Variants in INPP4B observed in about 807,000 individuals in gnomAD.
The protein encoded by INPP4B is inositol polyphosphate-4-phosphatase type II B.
A neutral mutation model predicts 122.5 loss-of-function variants in INPP4B; 55 were observed. The ratio of observed to expected loss-of-function variants is 0.45; its 90% CI spans 0.36 to 0.56. INPP4B has a LOEUF of 0.56. Ranked by LOEUF, INPP4B falls within the 20% of genes least tolerant of loss-of-function variation. INPP4B has a pLI of 0.00. For synonymous variants in INPP4B, 403 were observed against 388.7 expected, an observed-to-expected ratio of 1.04 and a Z score of -0.43; for missense variants, 1,000 against 1,097.7, an observed-to-expected ratio of 0.91 and a Z score of 1.26.
chr4:142,232,948 A>G (rs1023680591), intron 12 of INPP4B, among the ~76,000 whole-genome samples: 2 of 152,182 alleles, frequency 1.3e-5, no homozygotes, highest in African/African-American at 2.4e-5. Context: ...AATTCTATAA[A>G]GGCTGAGAGA....
chr4:142,227,856 T>TAAAAAAAAAAAAAA (rs60375355), intron 12 of INPP4B, among the ~76,000 whole-genome samples: 1 of 34,236 alleles, frequency 2.9e-5, no homozygotes, highest in Non-Finnish European at 5.6e-5. Flanking sequence ...AGACTCTATC[T>TAAAAAAAAAAAAAA]AAAAAAAAAA....
chr4:142,433,628 C>G (rs1169022494), intron 3 of INPP4B, among the ~76,000 whole-genome samples: 1 of 152,142 alleles, frequency 6.6e-6, no homozygotes, highest in Non-Finnish European at 1.5e-5. Context: ...ATTAGGAAGA[C>G]AAGACTAACA....
At chr4:142,128,450 G>A (rs3775647) in intron 18 of INPP4B, among the ~76,000 whole-genome samples, 18,923 of 151,518 alleles carry the variant, frequency 0.12, 1,360 homozygotes, top group East Asian at 0.23. Flanking sequence ...TATAGTCACT[G>A]CCCCACTATC....
intron 8 of INPP4B, among the ~76,000 whole-genome samples, chr4:142,311,887 T>G (rs1765630334): frequency 6.6e-6 from 1 of 152,184 alleles, no homozygotes; most frequent in Admixed American, 6.5e-5. Context: ...GTTTGTGCAA[T>G]TCTCTAAGAA....
At chr4:142,820,644 T>C (rs561510027) in intron 1 of INPP4B, among the ~76,000 whole-genome samples, 1 of 152,282 alleles carries the variant, frequency 6.6e-6, no homozygotes, top group East Asian at 1.9e-4. Context: ...AGTAGGTTCT[T>C]AGAATTACAA....
intron 25 of INPP4B, 78 bp from the exon 26 acceptor site, chr4:142,028,992 C>T (rs1225768585): frequency 1.3e-6 from 2 of 1,502,872 alleles, no homozygotes; most frequent in Non-Finnish European, 1.8e-6. Context: ...TGCAGAGTTG[C>T]AGCAACCATC....
At chr4:142,345,683 T>A (rs1405291762) in intron 7 of INPP4B, among the ~76,000 whole-genome samples, 1 of 151,840 alleles carries the variant, frequency 6.6e-6, no homozygotes, top group Non-Finnish European at 1.5e-5. Context: ...GTGGTTTAAT[T>A]CCCATATTTT....
chr4:142,452,246 AC>A (rs2149517198), intron 3 of INPP4B, among the ~76,000 whole-genome samples: 1 of 152,236 alleles, frequency 6.6e-6, no homozygotes, highest in East Asian at 1.9e-4. Context: ...TCGACGAGGC[AC>A]CCTTAATTGT....
chr4:142,613,904 G>A (rs905179684), intron 2 of INPP4B, among the ~76,000 whole-genome samples: 2 of 152,138 alleles, frequency 1.3e-5, no homozygotes, highest in African/African-American at 2.4e-5. Flanking sequence ...AATAGAAAGG[G>A]TTTGTTGTAT....
intron 7 of INPP4B, 58 bp downstream of exon 7, chr4:142,402,880 C>T (rs986339600): frequency 1.1e-6 from 1 of 870,328 alleles, no homozygotes; most frequent in African/African-American, 1.7e-5. Context: ...ACAAAAAATC[C>T]AATCGTGTGG....
intron 7 of INPP4B, 68 bp from the exon 8 acceptor site, chr4:142,314,830 T>C: frequency 7.7e-7 from 1 of 1,297,356 alleles, no homozygotes; most frequent in Non-Finnish European, 1.1e-6. Flanking sequence ...GCACAGGTGC[T>C]GGGTTTCAAT....
At chr4:142,745,657 C>T (rs896033652) in intron 1 of INPP4B, among the ~76,000 whole-genome samples, 3 of 151,480 alleles carry the variant, frequency 2.0e-5, no homozygotes, top group African/African-American at 7.3e-5. Flanking sequence ...CATAAAGTGT[C>T]CTGTATAATA....
At chr4:142,471,083 T>C (rs1436027233) in intron 2 of INPP4B, among the ~76,000 whole-genome samples, 1 of 152,002 alleles carries the variant, frequency 6.6e-6, no homozygotes, top group Non-Finnish European at 1.5e-5. Context: ...TAAAACTCCG[T>C]GTAAAATTCC....
chr4:142,202,652 T>C, intron 14 of INPP4B: 1 of 668,226 alleles, frequency 1.5e-6, no homozygotes, highest in Non-Finnish European at 1.9e-6. Context: ...ACAGTAAATT[T>C]TGGCTACTGT....
At chr4:142,523,861 T>C (rs1375510233) in intron 2 of INPP4B, among the ~76,000 whole-genome samples, 276 of 137,324 alleles carry the variant, frequency 2.0e-3, no homozygotes, top group African/African-American at 7.2e-3. Flanking sequence ...CCTGAGTCCA[T>C]GTGATCTCAT....
At chr4:142,052,125 T>C (rs1190490124) in intron 25 of INPP4B, among the ~76,000 whole-genome samples, 2 of 152,014 alleles carry the variant, frequency 1.3e-5, no homozygotes, top group East Asian at 3.9e-4. Flanking sequence ...AATAAACTAT[T>C]TTTATCAGAC....
chr4:142,323,657 G>T (rs183906340), intron 7 of INPP4B, among the ~76,000 whole-genome samples: 2 of 151,928 alleles, frequency 1.3e-5, no homozygotes, highest in South Asian at 2.1e-4. Context: ...ATGTTAGCCA[G>T]GATGGTCTCA....
intron 11 of INPP4B, among the ~76,000 whole-genome samples, chr4:142,245,175 G>A (rs1249902106): frequency 6.6e-6 from 1 of 152,096 alleles, no homozygotes; most frequent in Non-Finnish European, 1.5e-5. Context: ...TAGGTTGCCT[G>A]TTCACTCTGA....
At chr4:142,712,709 A>T (rs1580755577) in intron 2 of INPP4B, among the ~76,000 whole-genome samples, 1 of 152,214 alleles carries the variant, frequency 6.6e-6, no homozygotes, top group East Asian at 1.9e-4. Flanking sequence ...ATAAATGTCA[A>T]CTAACCCACT....
Sources: gnomAD v4.1 joint callset for allele counts (sites outside exome capture counted in the v4.1 genomes callset) on GRCh38, gnomAD v4.1.1 for gene constraint, MANE v1.5 for transcripts, NCBI Gene and HGNC (gene_info 2026-07-23, HGNC 2026-07-21) for gene names.